The following CCDC60 variants were observed in gnomAD, a reference collection of about 807,000 sequenced individuals.
CCDC60 encodes the protein coiled-coil domain containing 60.
CCDC60 carries 54 observed loss-of-function variants against 63.5 expected under a neutral mutation model. The ratio of observed to expected loss-of-function variants is 0.85; its 90% CI spans 0.68 to 1.07. The LOEUF is 1.07. Among genes scored for constraint, CCDC60 ranks in the 50% least tolerant of loss-of-function variants. The pLI, the probability that CCDC60 is intolerant of heterozygous loss-of-function variation, is 0.00. For synonymous variants in CCDC60, 206 were observed against 238.8 expected (o/e 0.86, Z 1.27); for missense variants, 651 against 684.3 (o/e 0.95, Z 0.54).
intron 2 of CCDC60, chr12:119,433,490 T>G (rs2136242160): frequency 1.4e-6 from 1 of 702,360 alleles, no homozygotes; most frequent in African/African-American, 1.7e-5. Context: ...CTGGCCACAC[T>G]TCTGGATCCC....
rs1955460193 is a variant in CCDC60, at chr12:119,335,360, T to C, written c.90+94T>C. 9.9e-6 allele frequency: 9 copies of C among 910,592 alleles called. No individual in the cohort carries two copies. In the South Asian group the frequency reaches 1.4e-4, roughly 14 times the overall value. 56.4% of individuals were successfully genotyped at this position (910,592 alleles called of 1,614,324 possible). A position where few individuals can be genotyped will look rare whatever the true frequency, so the allele number is the denominator to read the frequency against. Reference sequence around the variant, plus strand: ...AATGGTATTTCTAGTTCTAGATCCCTGAGGAATCGCCACACTGACTTCCAC... The same window carrying C: ...AATGGTATTTCTAGTTCTAGATCCCCGAGGAATCGCCACACTGACTTCCAC... On this transcript the variant is annotated intron_variant, in intron 1 of 13. Coordinates refer to ENST00000327554, the MANE Select transcript of CCDC60 (RefSeq NM_178499.5).
At chr12:119,408,541 G>A (rs1023018178) in intron 1 of CCDC60, among the ~76,000 whole-genome samples, 2 of 152,180 alleles carry the variant, frequency 1.3e-5, no homozygotes, top group Non-Finnish European at 2.9e-5. Flanking sequence ...GTAATAGCAA[G>A]GGCTGGGCGC....
intron 6 of CCDC60, among the ~76,000 whole-genome samples, chr12:119,501,083 T>C (rs1382436903): frequency 6.6e-6 from 1 of 152,196 alleles, no homozygotes; most frequent in Admixed American, 6.5e-5. Context: ...AGCACACAAC[T>C]AGAGCGTTTG....
chr12:119,452,125 A>T (rs775830649), intron 2 of CCDC60, among the ~76,000 whole-genome samples: 13 of 152,310 alleles, frequency 8.5e-5, no homozygotes, highest in Admixed American at 2.6e-4. Flanking sequence ...TACTTTGCAT[A>T]GAGATATAGC....
intron 1 of CCDC60, among the ~76,000 whole-genome samples, chr12:119,373,662 TGGGGTG>T (rs773036433): frequency 1.3e-5 from 1 of 74,094 alleles, no homozygotes; most frequent in Non-Finnish European, 2.6e-5. Flanking sequence ...CTCTCCGGGG[TGGGGTG>T]GGGGGGGGTC....
At chr12:119,508,728 C>A (rs1031978485) in intron 7 of CCDC60, among the ~76,000 whole-genome samples, 5 of 152,158 alleles carry the variant, frequency 3.3e-5, no homozygotes, top group African/African-American at 1.2e-4. Context: ...CAGAATTATT[C>A]CAGGTGCAAG....
intron 1 of CCDC60, among the ~76,000 whole-genome samples, chr12:119,396,082 C>T (rs1465621194): frequency 2.0e-5 from 3 of 151,992 alleles, no homozygotes; most frequent in South Asian, 2.1e-4. Flanking sequence ...GGATTACAGG[C>T]GCCCACCACC....
At chr12:119,427,204 A>G (rs1566002994) in intron 1 of CCDC60, among the ~76,000 whole-genome samples, 1 of 152,244 alleles carries the variant, frequency 6.6e-6, no homozygotes, top group Non-Finnish European at 1.5e-5. Flanking sequence ...AAAACCTGCC[A>G]TAATCTCACC....
chr12:119,421,796 G>A (rs1296612057), intron 1 of CCDC60, among the ~76,000 whole-genome samples: 2 of 152,190 alleles, frequency 1.3e-5, no homozygotes, highest in African/African-American at 2.4e-5. Context: ...CTTTCTGACA[G>A]CAAACGTCTT....
intron 1 of CCDC60, among the ~76,000 whole-genome samples, chr12:119,397,029 C>T (rs1340222213): frequency 6.6e-6 from 1 of 152,260 alleles, no homozygotes; most frequent in East Asian, 1.9e-4. Context: ...AAGCTGCAGA[C>T]CTTCACAGTG....
chr12:119,360,217 C>A (rs1182233063), intron 1 of CCDC60, among the ~76,000 whole-genome samples: 3 of 151,086 alleles, frequency 2.0e-5, no homozygotes, highest in Non-Finnish European at 4.4e-5. Flanking sequence ...CAGAGGGGCT[C>A]CTCACTTCCC....
chr12:119,390,403 G>A (rs1240487460), intron 1 of CCDC60, among the ~76,000 whole-genome samples: 1 of 152,140 alleles, frequency 6.6e-6, no homozygotes, highest in Non-Finnish European at 1.5e-5. Context: ...TTTGTTTAAT[G>A]TCTTTCTCTC....
intron 1 of CCDC60, among the ~76,000 whole-genome samples, chr12:119,344,441 G>A (rs902312911): frequency 3.3e-5 from 5 of 152,018 alleles, no homozygotes; most frequent in South Asian, 4.2e-4. Flanking sequence ...TCATCACCCC[G>A]TATGTCCAAT....
intron 2 of CCDC60, among the ~76,000 whole-genome samples, chr12:119,450,070 A>G (rs1409548915): frequency 6.6e-6 from 1 of 152,236 alleles, no homozygotes; most frequent in Non-Finnish European, 1.5e-5. Flanking sequence ...AATGTGGTAT[A>G]CTACTTAGCC....
In CCDC60 at chr12:119,456,060, A is replaced by AAGCAAGCAAGCAAGCAAGC. The variant is rs1566019638; in HGVS notation, c.171-15933_171-15932insGCAAGCAAGCAAGCAAGCA. Among the ~76,000 whole-genome samples, 287 of 118,864 alleles carry AAGCAAGCAAGCAAGCAAGC rather than the reference A, an allele frequency of 2.4e-3. 8 individuals carry two copies. The highest frequency in any genetic ancestry group is 0.01 in the Admixed American group (115 of 11,406). 78.0% of individuals were successfully genotyped at this position (118,864 alleles called of 152,430 possible). On this transcript the variant is annotated intron_variant, in intron 2 of 13. Transcript: ENST00000327554. The surrounding 1 kb of genome is among the most constrained non-coding windows in gnomAD (Gnocchi z 4.6). The stretch of plus-strand genomic sequence containing the variant: ...GAAAGAAAGAAAGAAAGAAAGAAAG[A>AAGCAAGCAAGCAAGCAAGC]AAGCAAGCAAGCATGTGCAATTTCA...
At chr12:119,433,510 A>G (rs1280978415) in intron 2 of CCDC60, 2 of 702,388 alleles carry the variant, frequency 2.8e-6, no homozygotes, top group East Asian at 2.7e-5. Context: ...CACCAACATT[A>G]AGGAAGGAAT....
Position 119,530,919 on chromosome 12 carries a change from C to G in CCDC60, c.1407C>G (p.Phe469Leu). Residue 469 changes from phenylalanine to leucine, a missense_variant, in exon 13 of 14, where the codon TTC becomes TTG. Coordinates refer to ENST00000327554, the MANE Select transcript of CCDC60 (RefSeq NM_178499.5). ...AACTGCCAGAGGATCTAAAGAACTT[C>G]CGCCCCGCCAAAAAGATCCTGGTGA... ...LSKLPEDLKN[F>L]RPAKKILVKL... 6.2e-7 allele frequency: 1 copy of G among 1,614,126 alleles called. No individual in the cohort carries two copies. The highest frequency in any genetic ancestry group is 2.2e-5 in the East Asian group (1 of 44,872).
At chr12:119,353,074 G>C (rs1183291191) in intron 1 of CCDC60, among the ~76,000 whole-genome samples, 1 of 152,126 alleles carries the variant, frequency 6.6e-6, no homozygotes, top group Non-Finnish European at 1.5e-5. Context: ...AGGGTGGAGT[G>C]GGGGTGAGGG....
chr12:119,346,264 T>A (rs1472838035), intron 1 of CCDC60, among the ~76,000 whole-genome samples: 1 of 152,016 alleles, frequency 6.6e-6, no homozygotes, highest in East Asian at 1.9e-4. Context: ...TTACTGAGCA[T>A]CTATTTTGCA....
Sources: gnomAD v4.1 joint callset for allele counts (sites outside exome capture counted in the v4.1 genomes callset) on GRCh38, gnomAD v4.1.1 for gene constraint, Gnocchi (gnomAD v3.1) non-coding constraint, MANE v1.5 for transcripts, NCBI Gene and HGNC (gene_info 2026-07-23, HGNC 2026-07-21) for gene names.